The following SUGCT variants were observed in gnomAD, a reference collection of about 807,000 sequenced individuals.
The protein encoded by SUGCT is succinyl-CoA:glutarate-CoA transferase.
Under a neutral mutation model 55.0 loss-of-function variants are expected in SUGCT, and 41 were observed. That is an observed-to-expected ratio of 0.74 (90% CI 0.58 to 0.97). The LOEUF (loss-of-function observed/expected upper bound fraction) is 0.97. Among genes scored for constraint, SUGCT ranks in the 50% least tolerant of loss-of-function variants. The pLI is 0.00. For missense variants in SUGCT, 568 were observed against 547.8 expected (o/e 1.04, Z -0.37); for synonymous variants, 187 against 200.4 (o/e 0.93, Z 0.56).
At chr7:40,921,796 G>C in the SUGCT span, among the ~76,000 whole-genome samples, 1 of 152,182 alleles carries the variant, frequency 6.6e-6, no homozygotes, top group Non-Finnish European at 1.5e-5. Flanking sequence ...TGAGAGGTTT[G>C]TGTGGGTGTG....
intron 12 of SUGCT, among the ~76,000 whole-genome samples, chr7:40,608,108 A>G (rs971986343): frequency 2.6e-5 from 4 of 152,288 alleles, no homozygotes; most frequent in Non-Finnish European, 5.9e-5. Flanking sequence ...TCTGAATCTG[A>G]AGCTCTTTGT....
At chr7:40,585,269 T>TA (rs1797314814) in intron 12 of SUGCT, among the ~76,000 whole-genome samples, 1 of 152,220 alleles carries the variant, frequency 6.6e-6, no homozygotes, top group Non-Finnish European at 1.5e-5. Context: ...GGGTGGGTGA[T>TA]ATAGTATCTG....
chr7:40,192,821 C>T (rs1325359408), intron 5 of SUGCT, among the ~76,000 whole-genome samples: 3 of 150,566 alleles, frequency 2.0e-5, no homozygotes, highest in Middle Eastern at 3.5e-3. Context: ...TTAGTAGAGA[C>T]GGGGTTTCAC....
intron 9 of SUGCT, among the ~76,000 whole-genome samples, chr7:40,375,123 GTTCTGAGC>G (rs780888583): frequency 3.9e-5 from 6 of 152,198 alleles, no homozygotes; most frequent in Non-Finnish European, 8.8e-5. Flanking sequence ...AAAGCTACGT[GTTCTGAGC>G]TGGGAGAAGG....
At chr7:40,395,489 C>CAAAAAAAAAAAAAAAAAAAAA (rs36068766) in intron 9 of SUGCT, among the ~76,000 whole-genome samples, 1 of 46,132 alleles carries the variant, frequency 2.2e-5, no homozygotes, top group Admixed American at 2.7e-4. Context: ...AACTCTGTCT[C>CAAAAAAAAAAAAAAAAAAAAA]AAAAAAAAAA....
At chr7:40,390,738 C>T (rs1416081571) in intron 9 of SUGCT, among the ~76,000 whole-genome samples, 1 of 152,134 alleles carries the variant, frequency 6.6e-6, no homozygotes, top group East Asian at 1.9e-4. Context: ...AATGCCATCC[C>T]CATCAAGCTA....
chr7:40,731,785 A>G (rs1428961362), intron 12 of SUGCT, among the ~76,000 whole-genome samples: 1 of 152,204 alleles, frequency 6.6e-6, no homozygotes, highest in Non-Finnish European at 1.5e-5. Context: ...GAAAACAATA[A>G]TATTTCTTTA....
chr7:41,019,832 A>G, the SUGCT span, among the ~76,000 whole-genome samples: 1 of 152,220 alleles, frequency 6.6e-6, no homozygotes, highest in Non-Finnish European at 1.5e-5. Flanking sequence ...ATGACAGGAA[A>G]AACAAATTTT....
intron 13 of SUGCT, among the ~76,000 whole-genome samples, chr7:40,757,797 T>C: frequency 6.6e-6 from 1 of 152,188 alleles, no homozygotes; most frequent in Non-Finnish European, 1.5e-5. Flanking sequence ...GTATACCGTT[T>C]TTGCTATTGT....
chr7:40,161,333 T>G (rs776619061), intron 1 of SUGCT, among the ~76,000 whole-genome samples: 6 of 152,208 alleles, frequency 3.9e-5, no homozygotes, highest in Non-Finnish European at 5.9e-5. Context: ...TCCTCCGTGT[T>G]AAATATCTAA....
chr7:40,207,709 C>A (rs1787061450), intron 6 of SUGCT, among the ~76,000 whole-genome samples: 1 of 151,654 alleles, frequency 6.6e-6, no homozygotes, highest in East Asian at 2.0e-4. Flanking sequence ...CCCAGCTGCT[C>A]TGGAGGCTGA....
At chr7:40,324,400 T>G (rs11764516) in intron 9 of SUGCT, among the ~76,000 whole-genome samples, 104,198 of 150,536 alleles carry the variant, frequency 0.69, 36,376 homozygotes, top group East Asian at 0.99. Flanking sequence ...GGATTACAGA[T>G]ATACGTCACC....
chr7:40,556,663 T>G (rs1184469514), intron 12 of SUGCT, among the ~76,000 whole-genome samples: 1 of 152,236 alleles, frequency 6.6e-6, no homozygotes, highest in Non-Finnish European at 1.5e-5. Context: ...GCCATGTGAC[T>G]TTGAACAAAT....
the SUGCT span, among the ~76,000 whole-genome samples, chr7:40,975,035 T>C: frequency 6.6e-6 from 1 of 152,224 alleles, no homozygotes; most frequent in Non-Finnish European, 1.5e-5. Flanking sequence ...ACTCTTGTTA[T>C]AGGCTAAGTG....
At chr7:40,523,409 A>C (rs1010334704) in intron 12 of SUGCT, among the ~76,000 whole-genome samples, 1 of 152,108 alleles carries the variant, frequency 6.6e-6, no homozygotes, top group Non-Finnish European at 1.5e-5. Flanking sequence ...TGTTTTCTCC[A>C]TGGAAAAGAC....
chr7:40,315,972 T>C (rs1035845828), intron 8 of SUGCT, among the ~76,000 whole-genome samples: 4 of 152,184 alleles, frequency 2.6e-5, no homozygotes, highest in Admixed American at 2.0e-4. Flanking sequence ...TATCGTCATA[T>C]TGAGTTGAAC....
the SUGCT span, among the ~76,000 whole-genome samples, chr7:40,886,469 C>T: frequency 2.0e-5 from 3 of 152,120 alleles, no homozygotes; most frequent in Admixed American, 6.5e-5. Context: ...GAGAGTGTGG[C>T]TTCCACAGTG....
the SUGCT span, among the ~76,000 whole-genome samples, chr7:40,867,580 A>G: frequency 6.6e-6 from 1 of 152,194 alleles, no homozygotes. Context: ...TTTATATGAA[A>G]ACCTACTCTA....
intron 9 of SUGCT, among the ~76,000 whole-genome samples, chr7:40,425,955 C>CAT (rs1787567166): frequency 6.6e-6 from 1 of 152,060 alleles, no homozygotes. Context: ...TATAATAATA[C>CAT]ATATATCTTA....
Sources: allele counts gnomAD v4.1 joint callset (sites outside exome capture counted in the v4.1 genomes callset), GRCh38; gene constraint gnomAD v4.1.1; transcripts MANE v1.5; gene names NCBI Gene and HGNC (gene_info 2026-07-23, HGNC 2026-07-21).